Variants in TAFA4 observed in about 807,000 individuals in gnomAD.
TAFA4 encodes the protein chemokine-like protein TAFA-4.
TAFA4 carries 20 observed loss-of-function variants against 21.1 expected under a neutral mutation model. The ratio of observed to expected loss-of-function variants is 0.95; its 90% confidence interval spans 0.67 to 1.38. The LOEUF is 1.38. Ranked by LOEUF, TAFA4 falls within the 40% of genes most tolerant of loss-of-function variation. The probability of loss-of-function intolerance (pLI) is 0.00; values close to 1 mark genes in which losing one functional copy is unlikely to be tolerated. For synonymous variants in TAFA4, 71 were observed against 67.4 expected, an observed-to-expected ratio of 1.05 and a Z score of -0.26; for missense variants, 211 against 180.9, an observed-to-expected ratio of 1.17 and a Z score of -0.95.
rs2089609616 is a variant in TAFA4 at position 68,880,824 on chromosome 3, T to C, written c.36A>G (p.Ser12=). The C allele has an allele frequency of 2.5e-6, 4 of 1,613,496 alleles. No homozygotes were observed. The highest frequency in any genetic ancestry group is 3.4e-6 in the Non-Finnish European group (4 of 1,179,924). The part of the protein sequence containing the change: ...RSPRMRVCAK[S]VLLSHWLFLA... ...GAAAGAGCCAGTGCGACAGCAACAC[T>C]GACTTAGCACAGACTCTCATCCTGG... Residue 12 remains serine (S), a synonymous_variant, in exon 3 of 6, where the codon TCA becomes TCG. Coordinates refer to ENST00000295569, the MANE Select transcript of TAFA4 (RefSeq NM_182522.5).
intron 3 of TAFA4, among the ~76,000 whole-genome samples, chr3:68,784,881 T>A (rs966217329): frequency 1.3e-5 from 2 of 152,094 alleles, no homozygotes; most frequent in Admixed American, 1.3e-4. Context: ...GATACAGAGT[T>A]TGGTCCCAAA....
intron 3 of TAFA4, among the ~76,000 whole-genome samples, chr3:68,754,613 G>T (rs139672041): frequency 2.5e-3 from 387 of 152,160 alleles, no homozygotes; most frequent in Non-Finnish European, 3.9e-3. Context: ...TATCTGTCAG[G>T]CTTCTCCATT....
intron 3 of TAFA4, among the ~76,000 whole-genome samples, chr3:68,799,090 G>A (rs1300084112): frequency 6.6e-6 from 1 of 152,110 alleles, no homozygotes; most frequent in Non-Finnish European, 1.5e-5. Flanking sequence ...GGAGTTTGTG[G>A]TAGACAGAAT....
chr3:68,832,974 CAGCG>C (rs1704435924), intron 3 of TAFA4, among the ~76,000 whole-genome samples: 1 of 152,236 alleles, frequency 6.6e-6, no homozygotes, highest in South Asian at 2.1e-4. Flanking sequence ...GCTGTGCTAC[CAGCG>C]AGCAAGGCTC....
intron 3 of TAFA4, among the ~76,000 whole-genome samples, chr3:68,859,986 G>T (rs1242864662): frequency 6.6e-6 from 1 of 152,134 alleles, no homozygotes; most frequent in Non-Finnish European, 1.5e-5. Context: ...TAGGAAGTGG[G>T]ACCTTTCCTG....
intron 3 of TAFA4, among the ~76,000 whole-genome samples, chr3:68,861,476 C>A (rs2089343188): frequency 2.6e-5 from 4 of 152,122 alleles, no homozygotes; most frequent in Non-Finnish European, 4.4e-5. Context: ...AACCAAGACA[C>A]CTGCCCCTAA....
intron 1 of TAFA4, among the ~76,000 whole-genome samples, chr3:68,895,755 G>T (rs1198594182): frequency 6.6e-6 from 1 of 152,208 alleles, no homozygotes; most frequent in Non-Finnish European, 1.5e-5. Flanking sequence ...TGGACACAGA[G>T]GGTAGACAAG....
intron 1 of TAFA4, among the ~76,000 whole-genome samples, chr3:68,906,712 G>A (rs1383480440): frequency 1.3e-5 from 2 of 151,998 alleles, no homozygotes; most frequent in African/African-American, 4.8e-5. Context: ...TATGTAGACA[G>A]CACCCTTTAT....
chr3:68,737,070 C>T (rs985337205), intron 5 of TAFA4, among the ~76,000 whole-genome samples: 10 of 152,062 alleles, frequency 6.6e-5, no homozygotes, highest in African/African-American at 1.9e-4. Context: ...AATAGAAAGC[C>T]GTTCTACCAA....
intron 1 of TAFA4, among the ~76,000 whole-genome samples, chr3:68,900,279 AT>A (rs2089832773): frequency 3.4e-5 from 1 of 29,366 alleles, no homozygotes; most frequent in African/African-American, 1.0e-4. Context: ...AATAATAATA[AT>A]AACAATAATA....
At chr3:68,745,855 G>A (rs1702447476) in intron 4 of TAFA4, among the ~76,000 whole-genome samples, 1 of 152,212 alleles carries the variant, frequency 6.6e-6, no homozygotes, top group South Asian at 2.1e-4. Context: ...TACATGGTGT[G>A]ATGGTTAATA....
chr3:68,816,750 G>T (rs1336132426), intron 3 of TAFA4, among the ~76,000 whole-genome samples: 1 of 152,078 alleles, frequency 6.6e-6, no homozygotes, highest in African/African-American at 2.4e-5. Context: ...AGCAAATGTT[G>T]CAAGAAAGCA....
chr3:68,752,777 G>A, intron 4 of TAFA4, 86 bp downstream of exon 4: 1 of 1,552,032 alleles, frequency 6.4e-7, no homozygotes, highest in Non-Finnish European at 8.9e-7. Flanking sequence ...AGGTTTCTTT[G>A]GGTTGCAAAG....
At chr3:68,770,061 C>T (rs1702924567) in intron 3 of TAFA4, among the ~76,000 whole-genome samples, 1 of 150,380 alleles carries the variant, frequency 6.6e-6, no homozygotes, top group Non-Finnish European at 1.5e-5. Flanking sequence ...TATGCCCAAC[C>T]TCCAAGCCAG....
chr3:68,742,834 C>A (rs982284842), intron 4 of TAFA4, among the ~76,000 whole-genome samples: 5 of 152,204 alleles, frequency 3.3e-5, no homozygotes, highest in African/African-American at 9.7e-5. Context: ...GTCAAACAAG[C>A]TCTTGAAGAG....
intron 5 of TAFA4, among the ~76,000 whole-genome samples, chr3:68,736,935 T>G (rs1349206944): frequency 1.3e-5 from 2 of 152,244 alleles, no homozygotes; most frequent in African/African-American, 4.8e-5. Flanking sequence ...CTACAACTTT[T>G]CGAAGTGCTA....
intron 2 of TAFA4, among the ~76,000 whole-genome samples, chr3:68,881,880 C>T (rs770692735): frequency 2.0e-5 from 3 of 152,176 alleles, no homozygotes; most frequent in Non-Finnish European, 1.5e-5. Flanking sequence ...AGTGCCTCTA[C>T]GAAAGTCCCA....
rs555664740 is a variant in TAFA4 at position 68,763,130 on chromosome 3, A to G, written c.131-10112T>C. Among the ~76,000 whole-genome samples, 57 of 152,340 alleles carry G rather than the reference A, an allele frequency of 3.7e-4. 1 individual carries two copies. In the South Asian group the frequency reaches 9.1e-3, roughly 24 times the overall value. The stretch of plus-strand genomic sequence containing the variant: ...GAGAATTTGGCAGATTTAGGTCAAC[A>G]ATTGAAGATGAGAAAGTCAACTGAA... On this transcript the variant is annotated intron_variant, in intron 3 of 5. Coordinates refer to ENST00000295569, the MANE Select transcript of TAFA4 (RefSeq NM_182522.5).
At position 68,752,920 on chromosome 3, in the gene TAFA4, A is replaced by T. The variant is rs1681085712; in HGVS notation, c.229T>A (p.Ser77Thr). 6.2e-7 allele frequency: 1 copy of T among 1,614,042 alleles called. No individual in the cohort carries two copies. Among genetic ancestry groups the T allele is most frequent in the Admixed American group, 1.7e-5 (1 of 59,996 alleles). Residue 77 changes from serine (S) to threonine (T), a missense_variant, in exon 4 of 6, where the codon TCT (serine) becomes ACT (threonine). By Grantham distance (58) the Ser-to-Thr change is moderately conservative. Transcript: ENST00000295569. Reference protein sequence around the residue: ...IEERSQTVKCSCFPGQVAGTT... With the variant: ...IEERSQTVKCTCFPGQVAGTT... ...CCCGCCACCTGTCCCGGGAAGCAAG[A>T]GCACTTGACCGTTTGTGACCGCTCT...
Sources: gnomAD v4.1 joint callset for allele counts (sites outside exome capture counted in the v4.1 genomes callset) on GRCh38, gnomAD v4.1.1 for gene constraint, MANE v1.5 for transcripts, NCBI Gene and HGNC (gene_info 2026-07-23, HGNC 2026-07-21) for gene names.